The following PCDHGB3 variants were observed in gnomAD, a reference collection of about 807,000 sequenced individuals.
PCDHGB3 encodes protocadherin gamma-B3.
PCDHGB3 carries 40 observed loss-of-function variants against 59.2 expected under a neutral mutation model. That is an observed-to-expected ratio of 0.68 (90% CI 0.52 to 0.88). The LOEUF (loss-of-function observed/expected upper bound fraction) is 0.88, where lower values mean the gene tolerates loss of function less well. Among genes scored for constraint, PCDHGB3 ranks in the 40% least tolerant of loss-of-function variants. The pLI is 0.00. For missense variants in PCDHGB3, 1,309 were observed against 1,187.9 expected, an observed-to-expected ratio of 1.10 and a Z score of -1.50; for synonymous variants, 581 against 503.6, an observed-to-expected ratio of 1.15 and a Z score of -2.06.
intron 1 of PCDHGB3, chr5:141,389,474 G>A (rs1476860129): frequency 1.2e-6 from 2 of 1,613,168 alleles, no homozygotes; most frequent in East Asian, 2.2e-5. Flanking sequence ...AACTCACACT[G>A]CAGGCCCGCG....
At chr5:141,433,034 C>T in intron 1 of PCDHGB3, 1 of 1,614,184 alleles carries the variant, frequency 6.2e-7, no homozygotes. Flanking sequence ...CGAGGTTTCC[C>T]TCACCACGGA....
chr5:141,428,131 G>T, intron 1 of PCDHGB3: 1 of 1,602,720 alleles, frequency 6.2e-7, no homozygotes, highest in Non-Finnish European at 8.5e-7. Flanking sequence ...GGGCTTTTCA[G>T]CCTGGGGCTG....
In PCDHGB3 at chr5:141,415,239, T is replaced by G. The variant is rs781763142; in HGVS notation, c.2415+42430T>G. The G allele has an allele frequency of 8.1e-6, 13 of 1,614,068 alleles. No individual in the cohort carries two copies. The South Asian group carries it at 1.3e-4, about 16-fold the overall frequency. The stretch of plus-strand genomic sequence containing the variant: ...GCAGCTTCGAGTCTCCAGCTAACTC[T>G]GAAACCTCAGACCTCACTCTGTACC... On this transcript the variant is annotated intron_variant, in intron 1 of 3. Coordinates refer to ENST00000576222, the MANE Select transcript of PCDHGB3 (RefSeq NM_018924.5).
chr5:141,511,293 G>A lies in PCDHGB3; in HGVS notation c.*120G>A, dbSNP rs1028501355. On this transcript the variant is annotated 3_prime_UTR_variant, in exon 4 of 4. Coordinates refer to ENST00000576222, the MANE Select transcript of PCDHGB3 (RefSeq NM_018924.5). ...CCCCAGAATACTGGTAGGGGCCAAG[G>A]CCATGCTCCCCTTGGGAAACAGAAA... The A allele has an allele frequency of 3.3e-6, 5 of 1,509,316 alleles. No individual in the cohort carries two copies. In the African/African-American group the frequency reaches 5.6e-5, roughly 17 times the overall value. The allele number at this position is 1,509,316 out of a possible 1,614,324, so 93.5% of individuals were successfully genotyped here.
chr5:141,456,434 G>A (rs1418917805), intron 1 of PCDHGB3, among the ~76,000 whole-genome samples: 1 of 152,108 alleles, frequency 6.6e-6, no homozygotes, highest in Non-Finnish European at 1.5e-5. Flanking sequence ...TTATAGTATT[G>A]AGTATACAGA....
At chr5:141,408,953 CTT>C in intron 1 of PCDHGB3, 1 of 1,613,552 alleles carries the variant, frequency 6.2e-7, no homozygotes, top group Non-Finnish European at 8.5e-7. Context: ...TAGAATTAGT[CTT>C]AGTGAAAATC....
chr5:141,371,552 A>G lies in PCDHGB3; in HGVS notation c.1158A>G (p.Leu386=), dbSNP rs1414054761. 1.9e-6 allele frequency: 3 copies of G among 1,613,854 alleles called. No individual in the cohort carries two copies. Among genetic ancestry groups the G allele is most frequent in the Admixed American group, 1.7e-5 (1 of 59,996 alleles). The stretch of plus-strand genomic sequence containing the variant: ...TTAATGGAGAAATCCTATGCCAACT[A>G]AAAGGAAACTTCCCCTTTAAAATCG... ...SGFNGEILCQ[L]KGNFPFKIVQ... The change falls in exon 1 of 4, where the codon CTA becomes CTG. Residue 386 remains leucine, a synonymous_variant. Transcript: ENST00000576222.
intron 1 of PCDHGB3, chr5:141,416,273 T>C (rs891505781): frequency 8.5e-5 from 13 of 152,298 alleles, no homozygotes; most frequent in African/African-American, 3.1e-4. Flanking sequence ...CCTTTTTGCA[T>C]ACAATTCTCT....
chr5:141,405,815 T>C (rs755764286), intron 1 of PCDHGB3, among the ~76,000 whole-genome samples: 14 of 103,812 alleles, frequency 1.3e-4, no homozygotes, highest in Non-Finnish European at 2.3e-4. Flanking sequence ...TCTTTAACTG[T>C]CTGTACTTAA....
At chr5:141,403,168 G>T in intron 1 of PCDHGB3, 14 of 1,614,032 alleles carry the variant, frequency 8.7e-6, no homozygotes, top group African/African-American at 1.3e-5. Flanking sequence ...GAGGTAGGAC[G>T]CAGCTTTTCT....
At chr5:141,492,189 G>A (rs2099737936) in intron 1 of PCDHGB3, among the ~76,000 whole-genome samples, 1 of 152,204 alleles carries the variant, frequency 6.6e-6, no homozygotes, top group East Asian at 1.9e-4. Flanking sequence ...GCACCTGTCT[G>A]CGGGACTTAG....
At chr5:141,388,414 A>G in intron 1 of PCDHGB3, 2 of 1,613,970 alleles carry the variant, frequency 1.2e-6, no homozygotes, top group Non-Finnish European at 1.7e-6. Context: ...CCCAGTGATC[A>G]TTTCTCACTG....
intron 1 of PCDHGB3, among the ~76,000 whole-genome samples, chr5:141,434,700 G>A (rs1041657389): frequency 6.6e-6 from 1 of 151,780 alleles, no homozygotes; most frequent in Non-Finnish European, 1.5e-5. Context: ...TAATAAATAT[G>A]TGGGTAAATC....
At chr5:141,464,923 A>G (rs544281066) in intron 1 of PCDHGB3, among the ~76,000 whole-genome samples, 3 of 151,406 alleles carry the variant, frequency 2.0e-5, no homozygotes, top group Non-Finnish European at 4.4e-5. Flanking sequence ...ATTTTTTTGT[A>G]GAGATGTGAG....
In PCDHGB3 at chr5:141,491,163, C is replaced by T; in HGVS notation, c.2416-3644C>T. On this transcript the variant is annotated intron_variant, in intron 1 of 3. Transcript: ENST00000576222. The surrounding 1 kb of genome is among the most constrained non-coding windows in gnomAD (Gnocchi z 6.9). ...CCTTACTGGAGGATGACTCTGACAC[C>T]CAGCAGGTGGTGGTCCTGGTGAGGG... is the stretch of plus-strand genomic sequence containing the variant. 1 of 1,614,092 alleles carries T rather than the reference C, an allele frequency of 6.2e-7. No homozygotes were observed. Among genetic ancestry groups the T allele is most frequent in the Non-Finnish European group, 8.5e-7 (1 of 1,179,950 alleles).
chr5:141,431,610 T>A lies in PCDHGB3; in HGVS notation c.2415+58801T>A. The stretch of plus-strand genomic sequence containing the variant: ...GAAGTGAGGTATTCCTTCCGGTATG[T>A]GGACGACAAGGCGGCCCAAGTTTTC... On this transcript the variant is annotated intron_variant, in intron 1 of 3. Transcript: ENST00000576222. The surrounding 1 kb of genome is among the most constrained non-coding windows in gnomAD (Gnocchi z 4.8). 6.2e-7 allele frequency: 1 copy of A among 1,614,238 alleles called. No homozygotes were observed. Among genetic ancestry groups the A allele is most frequent in the Non-Finnish European group, 8.5e-7 (1 of 1,180,034 alleles).
chr5:141,377,114 GA>G (rs1209005663), intron 1 of PCDHGB3: 4 of 152,232 alleles, frequency 2.6e-5, no homozygotes, highest in African/African-American at 9.7e-5. Flanking sequence ...AGAATGTTCT[GA>G]AGTCTTAATT....
chr5:141,370,443 C>T lies in PCDHGB3; in HGVS notation c.49C>T (p.Leu17=). 6.2e-7 allele frequency: 1 copy of T among 1,607,126 alleles called. No homozygotes were observed. Among genetic ancestry groups the T allele is most frequent in the South Asian group, 1.1e-5 (1 of 89,926 alleles). The change falls in exon 1 of 4, where the codon CTA becomes TTA. Residue 17 remains leucine (L), a synonymous_variant. Coordinates refer to ENST00000576222, the MANE Select transcript of PCDHGB3 (RefSeq NM_018924.5). ...WRGPAGQRRM[L]FLFLLSLLDQ... ...GGGCCCAGCAGGGCAGAGGCGAATGCTATTTCTCTTCCTGCTCTCTTTGTT... is the reference window on the plus strand; with the variant it reads ...GGGCCCAGCAGGGCAGAGGCGAATGTTATTTCTCTTCCTGCTCTCTTTGTT...
rs772637726 is a variant in PCDHGB3, at chr5:141,370,739, C to CT, written c.351dup (p.His118SerfsTer10). ...AAATGGTTGCTGAAAAGCCTTTAAA[C>CT]TTTTTTCATGTAACTGTGCTGATCC... On this transcript the variant is annotated frameshift_variant, in exon 1 of 4. Coordinates refer to ENST00000576222, the MANE Select transcript of PCDHGB3 (RefSeq NM_018924.5). LOFTEE classifies it high-confidence loss of function. 6.2e-7 allele frequency: 1 copy of CT among 1,613,910 alleles called. No individual in the cohort carries two copies. Among genetic ancestry groups the CT allele is most frequent in the Non-Finnish European group, 8.5e-7 (1 of 1,179,890 alleles).
Sources: allele counts gnomAD v4.1 joint callset (sites outside exome capture counted in the v4.1 genomes callset), GRCh38; gene constraint gnomAD v4.1.1; non-coding constraint Gnocchi (gnomAD v3.1); transcripts MANE v1.5; gene names NCBI Gene and HGNC (gene_info 2026-07-23, HGNC 2026-07-21).